Variants in C8orf89 observed in about 807,000 individuals in gnomAD.
The protein encoded by C8orf89 is chromosome 8 open reading frame 89.
A neutral mutation model predicts 15.8 loss-of-function variants in C8orf89; 14 were observed. The observed-to-expected ratio is 0.89, with a 90% CI of 0.59 to 1.39. The LOEUF (loss-of-function observed/expected upper bound fraction) is 1.39, where lower values mean the gene tolerates loss of function less well. C8orf89 is among the 40% of genes most tolerant of loss of function. The pLI is 0.00. For synonymous variants in C8orf89, 55 were observed against 62.2 expected (o/e 0.88, Z 0.54); for missense variants, 181 against 184.5 (o/e 0.98, Z 0.11).
the C8orf89 span, among the ~76,000 whole-genome samples, chr8:73,267,161 A>C: frequency 6.6e-6 from 1 of 152,192 alleles, no homozygotes; most frequent in Non-Finnish European, 1.5e-5. Context: ...GAAACTGTGG[A>C]TAGTACTGAA....
chr8:73,256,338 A>G (rs1813382944), intron 2 of C8orf89, among the ~76,000 whole-genome samples: 1 of 151,738 alleles, frequency 6.6e-6, no homozygotes, highest in Non-Finnish European at 1.5e-5. Flanking sequence ...GAAACTTTTT[A>G]ATATTGCAGA....
intron 3 of C8orf89, among the ~76,000 whole-genome samples, chr8:73,249,428 T>C (rs1193453357): frequency 1.3e-5 from 2 of 152,172 alleles, no homozygotes; most frequent in African/African-American, 4.8e-5. Flanking sequence ...ATGATGCTTG[T>C]CTCATAGAAT....
At chr8:73,279,355 A>G in the C8orf89 span, among the ~76,000 whole-genome samples, 8 of 152,176 alleles carry the variant, frequency 5.3e-5, no homozygotes, top group Admixed American at 3.9e-4. Context: ...CAGACCAGCT[A>G]AAATGTCAAT....
intron 1 of C8orf89, 45 bp from the exon 2 acceptor site, chr8:73,257,171 C>T: frequency 8.0e-7 from 1 of 1,249,082 alleles, no homozygotes; most frequent in African/African-American, 1.5e-5. Context: ...ATGCATACTA[C>T]TTGTTTTACT....
At chr8:73,251,339 A>C (rs1225273785) in intron 2 of C8orf89, among the ~76,000 whole-genome samples, 1 of 152,248 alleles carries the variant, frequency 6.6e-6, no homozygotes, top group African/African-American at 2.4e-5. Context: ...CTGCTTTGCC[A>C]AAACCGCTCC....
At chr8:73,284,083 T>G in the C8orf89 span, among the ~76,000 whole-genome samples, 1 of 151,750 alleles carries the variant, frequency 6.6e-6, no homozygotes, top group Non-Finnish European at 1.5e-5. Context: ...TATTGTTGCA[T>G]TGTTTGTAAC....
At chr8:73,248,964 C>T (rs1813188109) in intron 3 of C8orf89, among the ~76,000 whole-genome samples, 2 of 152,284 alleles carry the variant, frequency 1.3e-5, no homozygotes, top group Middle Eastern at 6.8e-3. Context: ...CTGGTCAGAA[C>T]TTCCAATACT....
upstream of C8orf89, among the ~76,000 whole-genome samples, chr8:73,263,747 C>T (rs1813570590): frequency 6.6e-6 from 1 of 152,118 alleles, no homozygotes; most frequent in Non-Finnish European, 1.5e-5. Flanking sequence ...TTGGGGCAGT[C>T]AGACAATAGG....
the C8orf89 span, among the ~76,000 whole-genome samples, chr8:73,266,537 C>T: frequency 4.6e-5 from 7 of 152,306 alleles, no homozygotes; most frequent in East Asian, 3.9e-4. Flanking sequence ...CCTCCCTGAA[C>T]GTACAGGATC....
At chr8:73,277,323 C>A in the C8orf89 span, 6 of 670,116 alleles carry the variant, frequency 9.0e-6, no homozygotes, top group African/African-American at 1.8e-5. Flanking sequence ...CAGATGAATG[C>A]CCCTGGTTAT....
At chr8:73,253,424 T>C (rs1429990375) in intron 2 of C8orf89, among the ~76,000 whole-genome samples, 2 of 152,080 alleles carry the variant, frequency 1.3e-5, no homozygotes, top group East Asian at 3.8e-4. Flanking sequence ...TGCGGGCTCT[T>C]TTTTGGTTCC....
At position 73,254,815 on chromosome 8, in the gene C8orf89, A is replaced by G. The variant is rs192797518; in HGVS notation, c.281+2158T>C. On this transcript the variant is annotated intron_variant, in intron 2 of 3. Coordinates refer to ENST00000624510, the MANE Select transcript of C8orf89 (RefSeq NM_001243237.3). ...ACAGAGCCCTCAGAAATAACGCCAC[A>G]TATCTACAACTATCTGATCTTTGAC... Among the ~76,000 whole-genome samples, 859 of 152,318 alleles carry G rather than the reference A, an allele frequency of 5.6e-3. 12 individuals carry two copies. Among genetic ancestry groups the G allele is most frequent in the African/African-American group, 0.02 (816 of 41,574 alleles).
At chr8:73,280,708 T>TATATATATACAG in the C8orf89 span, among the ~76,000 whole-genome samples, 1 of 151,014 alleles carries the variant, frequency 6.6e-6, no homozygotes, top group African/African-American at 2.4e-5. Context: ...TACATATACA[T>TATATATATACAG]ATATATATAC....
the C8orf89 span, among the ~76,000 whole-genome samples, chr8:73,270,896 A>G: frequency 6.6e-6 from 1 of 152,234 alleles, no homozygotes; most frequent in Non-Finnish European, 1.5e-5. Flanking sequence ...TTTGTGTCTA[A>G]ATATTCAACT....
chr8:73,241,675 T>C (rs1017801118), intron 3 of C8orf89, 70 bp from the exon 4 acceptor site: 1 of 1,215,682 alleles, frequency 8.2e-7, no homozygotes. Context: ...CTATTAAATA[T>C]AATGTGACTG....
Position 73,241,453 on chromosome 8 carries a change from T to C in C8orf89, c.*4A>G. ...GAAGAAAGCATCACACTGTACGACA[T>C]TTTTCAGCGGTCTCGGAGGTCTCGT... is the stretch of plus-strand genomic sequence containing the variant. On this transcript the variant is annotated 3_prime_UTR_variant, in exon 4 of 4. Transcript: ENST00000624510. 2.0e-6 allele frequency: 3 copies of C among 1,522,188 alleles called. No individual in the cohort carries two copies. The highest frequency in any genetic ancestry group is 1.7e-4 in the Middle Eastern group (1 of 5,940). 94.3% of individuals were successfully genotyped at this position (1,522,188 alleles called of 1,614,324 possible).
intron 1 of C8orf89, among the ~76,000 whole-genome samples, chr8:73,258,947 T>G (rs1376408847): frequency 6.6e-6 from 1 of 152,174 alleles, no homozygotes; most frequent in Non-Finnish European, 1.5e-5. Context: ...GAATTATTAA[T>G]ACATAACAGC....
intron 2 of C8orf89, among the ~76,000 whole-genome samples, chr8:73,255,110 T>A (rs1365093955): frequency 6.6e-6 from 1 of 151,604 alleles, no homozygotes; most frequent in Non-Finnish European, 1.5e-5. Context: ...AAGCCAAAAT[T>A]GACAAATGGG....
chr8:73,255,551 C>T (rs79536994), intron 2 of C8orf89, among the ~76,000 whole-genome samples: 46,764 of 151,228 alleles, frequency 0.31, 9,238 homozygotes, highest in African/African-American at 0.57. Context: ...GTCAGTGTGG[C>T]GATTCCTCAG....
Sources: allele counts gnomAD v4.1 joint callset (sites outside exome capture counted in the v4.1 genomes callset), GRCh38; gene constraint gnomAD v4.1.1; transcripts MANE v1.5; gene names NCBI Gene and HGNC (gene_info 2026-07-23, HGNC 2026-07-21).